The following DIS3L variants were observed in gnomAD, a reference collection of about 807,000 sequenced individuals.
The protein encoded by DIS3L is DIS3 like exosome 3'-5' exoribonuclease.
DIS3L carries 100 observed loss-of-function variants against 120.3 expected under a neutral mutation model. The observed-to-expected ratio is 0.83, with a 90% CI of 0.71 to 0.98. The LOEUF (loss-of-function observed/expected upper bound fraction) is 0.98. DIS3L is among the 50% of genes least tolerant of loss of function. The pLI, the probability that DIS3L is intolerant of heterozygous loss-of-function variation, is 0.00. For synonymous variants in DIS3L, 426 were observed against 470.6 expected (o/e 0.91, Z 1.23); for missense variants, 1,196 against 1,314.2 (o/e 0.91, Z 1.39).
In DIS3L at chr15:66,326,254, G is replaced by A; in HGVS notation, c.2091G>A (p.Trp697Ter). The A allele has an allele frequency of 6.2e-7, 1 of 1,614,144 alleles. No individual in the cohort carries two copies. The highest frequency in any genetic ancestry group is 8.5e-7 in the Non-Finnish European group (1 of 1,180,028). The change falls in exon 12 of 17, where the codon TGG becomes TGA. Residue 697 changes from tryptophan (W) to a stop codon, truncating the protein, a stop_gained. Coordinates refer to ENST00000319212, the MANE Select transcript of DIS3L (RefSeq NM_001143688.3). LOFTEE classifies it high-confidence loss of function. The part of the protein sequence containing the change: ...LANHWVAKKI[W>*]ESFPHQALLR... ...ACCACTGGGTCGCCAAAAAGATCTG[G>A]GAGAGCTTCCCTCATCAGGCCTTGC...
At chr15:66,297,298 A>C (rs2092597976) in intron 2 of DIS3L, among the ~76,000 whole-genome samples, 1 of 152,216 alleles carries the variant, frequency 6.6e-6, no homozygotes, top group South Asian at 2.1e-4. Context: ...GACAGATTAA[A>C]ATTGTATGTA....
intron 4 of DIS3L, among the ~76,000 whole-genome samples, chr15:66,310,802 C>CACATCTTGGCTACAGTGAG (rs2092752270): frequency 6.6e-6 from 1 of 152,168 alleles, no homozygotes; most frequent in African/African-American, 2.4e-5. Context: ...CTAGACTCTA[C>CACATCTTGGCTACAGTGAG]CCCTCAGACT....
intron 5 of DIS3L, among the ~76,000 whole-genome samples, chr15:66,312,533 G>T (rs984332152): frequency 6.6e-6 from 1 of 152,180 alleles, no homozygotes; most frequent in African/African-American, 2.4e-5. Context: ...GTTTGGTGAT[G>T]TTGTAAAATT....
At chr15:66,295,287 G>A (rs1212791773) in intron 2 of DIS3L, 146 bp downstream of exon 2, 1 of 729,534 alleles carries the variant, frequency 1.4e-6, no homozygotes, top group East Asian at 2.7e-5. Flanking sequence ...TGATAGTGAG[G>A]AATGCAGTAA....
At chr15:66,320,958 T>G (rs2092877043) in intron 9 of DIS3L, among the ~76,000 whole-genome samples, 1 of 152,196 alleles carries the variant, frequency 6.6e-6, no homozygotes, top group Admixed American at 6.5e-5. Context: ...AATTTTTATA[T>G]TTTCCAACTG....
Position 66,315,234 on chromosome 15 carries a change from C to T in DIS3L, c.994+19C>T, listed in dbSNP as rs746241866. On this transcript the variant is annotated intron_variant, in intron 7 of 16. Transcript: ENST00000319212. ...CCTACAGGTGAGCCAGCTGCAGAGCCACTCCGATGTCCATTTTTCTTGTGG... is the reference window on the plus strand; with the variant it reads ...CCTACAGGTGAGCCAGCTGCAGAGCTACTCCGATGTCCATTTTTCTTGTGG... The T allele has an allele frequency of 1.9e-6, 3 of 1,572,824 alleles. No individual in the cohort carries two copies. Among genetic ancestry groups the T allele is most frequent in the South Asian group, 1.2e-5 (1 of 85,216 alleles).
intron 9 of DIS3L, among the ~76,000 whole-genome samples, chr15:66,321,408 C>T (rs2092881670): frequency 6.6e-6 from 1 of 152,054 alleles, no homozygotes; most frequent in Non-Finnish European, 1.5e-5. Context: ...TATTGACGTA[C>T]CCTAGTTTGC....
intron 4 of DIS3L, among the ~76,000 whole-genome samples, chr15:66,310,130 G>C (rs1357456485): frequency 6.6e-6 from 1 of 152,164 alleles, no homozygotes; most frequent in Non-Finnish European, 1.5e-5. Flanking sequence ...ACCCCTGTCA[G>C]TTTATAGAAA....
At chr15:66,304,757 C>G (rs34093373) in intron 2 of DIS3L, among the ~76,000 whole-genome samples, 20,405 of 151,530 alleles carry the variant, frequency 0.13, 1,501 homozygotes, top group Non-Finnish European at 0.16. Flanking sequence ...CAAAATTAGC[C>G]AGGCATGGTG....
In DIS3L at chr15:66,315,113, CT is replaced by C; in HGVS notation, c.893del (p.Leu298ArgfsTer12). 1.2e-6 allele frequency: 2 copies of C among 1,614,064 alleles called. No homozygotes were observed. Among genetic ancestry groups the C allele is most frequent in the Admixed American group, 1.7e-5 (1 of 59,998 alleles). The part of the protein sequence containing the change: ...SIHGDVVVVE[L>X]LPKNEWKGRT... ...TCATGGAGATGTGGTAGTTGTGGAG[CT>C]GCTTCCTAAAAATGAATGGAAAGGA... is the stretch of plus-strand genomic sequence containing the variant. On this transcript the variant is annotated frameshift_variant, in exon 7 of 17. Transcript: ENST00000319212. LOFTEE classifies it high-confidence loss of function.
chr15:66,294,099 C>T (rs1038286205), intron 1 of DIS3L: 3 of 985,666 alleles, frequency 3.0e-6, no homozygotes, highest in African/African-American at 3.5e-5. Context: ...GGGGAGGTCC[C>T]GAGCTGGGAG....
At chr15:66,330,892 C>T (rs35125899) in intron 14 of DIS3L, among the ~76,000 whole-genome samples, 16,050 of 152,208 alleles carry the variant, frequency 0.11, 1,068 homozygotes, top group Non-Finnish European at 0.15. Flanking sequence ...CAGTGGCTCA[C>T]GACTGTAATC....
chr15:66,294,175 G>T, intron 1 of DIS3L: 1 of 985,642 alleles, frequency 1.0e-6, no homozygotes, highest in Non-Finnish European at 1.2e-6. Context: ...GCAGCCACAG[G>T]TTTCCTGACC....
intron 2 of DIS3L, among the ~76,000 whole-genome samples, chr15:66,302,314 C>T (rs1431560259): frequency 6.6e-6 from 1 of 151,978 alleles, no homozygotes; most frequent in African/African-American, 2.4e-5. Context: ...CTGCAGGGAG[C>T]CATGATCGCG....
At chr15:66,314,848 A>C (rs1279129780) in intron 6 of DIS3L, 188 bp from the exon 7 acceptor site, 1 of 546,766 alleles carries the variant, frequency 1.8e-6, no homozygotes, top group African/African-American at 1.9e-5. Flanking sequence ...CTCAATATAC[A>C]GTATGACATG....
At chr15:66,310,475 T>C (rs988868803) in intron 4 of DIS3L, among the ~76,000 whole-genome samples, 30 of 152,114 alleles carry the variant, frequency 2.0e-4, no homozygotes, top group African/African-American at 7.0e-4. Context: ...AGGTGAATGA[T>C]AGTAGAAAAA....
chr15:66,299,782 G>A (rs543936648), intron 2 of DIS3L, among the ~76,000 whole-genome samples: 37 of 152,282 alleles, frequency 2.4e-4, no homozygotes, highest in East Asian at 1.7e-3. Context: ...ACAGCCGGGC[G>A]CGGTGGCTCA....
chr15:66,318,448 G>A lies in DIS3L; in HGVS notation c.995-1G>A, dbSNP rs1456062697. 3 of 1,613,008 alleles carry A rather than the reference G, an allele frequency of 1.9e-6. No homozygotes were observed. The African/African-American group carries it at 4.0e-5, about 22-fold the overall frequency. ...CCTTGTTTTGTTTTGTTTTGCCAAA[G>A]GTCGAGTGGTGGGCATACTTCAGAA... On this transcript the variant is annotated splice_acceptor_variant, in intron 7 of 16. Transcript: ENST00000319212. LOFTEE classifies it high-confidence loss of function.
Position 66,306,860 on chromosome 15 carries a change from G to T in DIS3L, c.330G>T (p.Ala110=). ...AACTGCGAAACCTGCTGAAGGATGC[G>T]CGTCATGATTGCATTCTCTTTGCTA... ...YNKLRNLLKD[A]RHDCILFANE... The change falls in exon 3 of 17, where the codon GCG becomes GCT. Residue 110 remains alanine, a synonymous_variant. Coordinates refer to ENST00000319212, the MANE Select transcript of DIS3L (RefSeq NM_001143688.3). 6.2e-7 allele frequency: 1 copy of T among 1,614,096 alleles called. No individual in the cohort carries two copies. Among genetic ancestry groups the T allele is most frequent in the Non-Finnish European group, 8.5e-7 (1 of 1,179,998 alleles).
Sources: gnomAD v4.1 joint callset for allele counts (sites outside exome capture counted in the v4.1 genomes callset) on GRCh38, gnomAD v4.1.1 for gene constraint, MANE v1.5 for transcripts, NCBI Gene and HGNC (gene_info 2026-07-23, HGNC 2026-07-21) for gene names.